Variants in ASIC2 observed in about 807,000 individuals in gnomAD.
ASIC2 encodes acid sensing ion channel subunit 2.
A neutral mutation model predicts 57.3 loss-of-function variants in ASIC2; 25 were observed. That is an observed-to-expected ratio of 0.44 (90% confidence interval 0.32 to 0.61). ASIC2 has a LOEUF of 0.61. Ranked by LOEUF, ASIC2 falls within the 20% of genes least tolerant of loss-of-function variation. ASIC2 has a pLI of 0.06. For synonymous variants in ASIC2, 319 were observed against 307.5 expected (o/e 1.04, Z -0.39); for missense variants, 641 against 738.1 (o/e 0.87, Z 1.52).
chr17:33,350,578 A>T (rs1168643451), intron 1 of ASIC2, among the ~76,000 whole-genome samples: 1 of 151,790 alleles, frequency 6.6e-6, no homozygotes, highest in Non-Finnish European at 1.5e-5. Flanking sequence ...GCTACTCAGG[A>T]GGCTGAGGCA....
intron 1 of ASIC2, among the ~76,000 whole-genome samples, chr17:33,855,751 C>T (rs1913909807): frequency 1.3e-5 from 2 of 152,162 alleles, no homozygotes; most frequent in East Asian, 3.9e-4. Flanking sequence ...TTTTCTGTTG[C>T]CTGACCTAAG....
chr17:33,474,564 C>T (rs1027426590), intron 1 of ASIC2, among the ~76,000 whole-genome samples: 8 of 152,262 alleles, frequency 5.3e-5, no homozygotes, highest in Non-Finnish European at 1.0e-4. Context: ...AACAGAGGGG[C>T]GTGCACAGCA....
At chr17:33,122,553 A>T (rs761887249) in intron 1 of ASIC2, among the ~76,000 whole-genome samples, 3 of 152,146 alleles carry the variant, frequency 2.0e-5, no homozygotes, top group Non-Finnish European at 4.4e-5. Context: ...TGACGCATTT[A>T]TGAGGTATAA....
At chr17:33,781,556 G>A (rs1020757502) in intron 1 of ASIC2, among the ~76,000 whole-genome samples, 5 of 152,174 alleles carry the variant, frequency 3.3e-5, no homozygotes, top group African/African-American at 1.2e-4. Context: ...TAACAGTAAT[G>A]CATTTGGACA....
At chr17:34,044,157 A>G (rs573327778) in intron 1 of ASIC2, among the ~76,000 whole-genome samples, 41 of 151,784 alleles carry the variant, frequency 2.7e-4, no homozygotes, top group South Asian at 6.3e-4. Context: ...CACCAAGAAG[A>G]AGGCCTGAAG....
At chr17:33,803,545 G>A (rs1206508548) in intron 1 of ASIC2, among the ~76,000 whole-genome samples, 2 of 151,172 alleles carry the variant, frequency 1.3e-5, no homozygotes, top group South Asian at 2.1e-4. Context: ...ATTGGAATAA[G>A]GAAATGAAAG....
intron 3 of ASIC2, among the ~76,000 whole-genome samples, chr17:33,036,571 C>T (rs909507574): frequency 6.6e-6 from 1 of 151,366 alleles, no homozygotes; most frequent in African/African-American, 2.4e-5. Flanking sequence ...GTTAGGACTA[C>T]AGGGATGTGC....
At position 33,681,475 on chromosome 17, in the gene ASIC2, T is replaced by G. The variant is rs556644823; in HGVS notation, c.555+474503A>C. ...CACAATGTATATGTGGGTTGGGAACTACCAGTTTAGGGTGACCCTAATTCT... is the reference window on the plus strand; with the variant it reads ...CACAATGTATATGTGGGTTGGGAACGACCAGTTTAGGGTGACCCTAATTCT... On this transcript the variant is annotated intron_variant, in intron 1 of 9. Transcript: ENST00000359872. Among the ~76,000 whole-genome samples the G allele has an allele frequency of 3.1e-5, 4 of 128,984 alleles. No individual in the cohort carries two copies. The South Asian group carries it at 9.4e-4, about 30-fold the overall frequency. 84.6% of individuals were successfully genotyped at this position (128,984 alleles called of 152,430 possible).
intron 1 of ASIC2, among the ~76,000 whole-genome samples, chr17:34,007,423 C>T (rs1906563711): frequency 6.6e-6 from 1 of 152,238 alleles, no homozygotes; most frequent in Non-Finnish European, 1.5e-5. Context: ...GCACACAGAA[C>T]TTCTTGCTTT....
intron 1 of ASIC2, among the ~76,000 whole-genome samples, chr17:33,717,554 G>A (rs1481021734): frequency 6.6e-6 from 1 of 152,154 alleles, no homozygotes; most frequent in Non-Finnish European, 1.5e-5. Context: ...CCAACTGTCC[G>A]GTCCAGGCTG....
intron 1 of ASIC2, among the ~76,000 whole-genome samples, chr17:34,085,420 T>G (rs1046895508): frequency 6.6e-6 from 1 of 152,262 alleles, no homozygotes. Context: ...CTTTCTGATG[T>G]GCTGCTGGAT....
intron 1 of ASIC2, among the ~76,000 whole-genome samples, chr17:33,912,946 C>T (rs2141960196): frequency 6.6e-6 from 1 of 151,802 alleles, no homozygotes; most frequent in Non-Finnish European, 1.5e-5. Flanking sequence ...CCATTGCACT[C>T]CAGCCTGGGC....
chr17:33,915,010 G>T (rs1170080447), intron 1 of ASIC2, among the ~76,000 whole-genome samples: 1 of 152,174 alleles, frequency 6.6e-6, no homozygotes, highest in South Asian at 2.1e-4. Context: ...CAACCTGAAG[G>T]GTTAGCACCA....
At chr17:34,151,116 A>AAT (rs1555535974) in intron 1 of ASIC2, among the ~76,000 whole-genome samples, 8 of 147,516 alleles carry the variant, frequency 5.4e-5, no homozygotes, top group African/African-American at 2.0e-4. Context: ...AAAAAAAAAA[A>AAT]AAAAAAAAAT....
At chr17:33,363,547 C>A (rs960382843) in intron 1 of ASIC2, among the ~76,000 whole-genome samples, 1 of 152,244 alleles carries the variant, frequency 6.6e-6, no homozygotes, top group Non-Finnish European at 1.5e-5. Flanking sequence ...CAGCTGGACA[C>A]ACCTGGGTCA....
chr17:33,669,294 T>A (rs919288213), intron 1 of ASIC2, among the ~76,000 whole-genome samples: 10 of 152,188 alleles, frequency 6.6e-5, no homozygotes, highest in Non-Finnish European at 1.0e-4. Context: ...CATGTAAAGA[T>A]GTTATGTGAA....
intron 1 of ASIC2, among the ~76,000 whole-genome samples, chr17:34,099,160 GAGAGAAAGAAAGAAAGAAAGAA>G (rs1910687968): frequency 5.6e-4 from 3 of 5,386 alleles, no homozygotes; most frequent in African/African-American, 9.5e-4. Context: ...GAGAGAGAGA[GAGAGAAAGAAAGAAAGAAAGAA>G]AGAAAGAAAG....
intron 1 of ASIC2, among the ~76,000 whole-genome samples, chr17:34,108,650 T>A (rs1911153600): frequency 6.6e-6 from 1 of 152,162 alleles, no homozygotes; most frequent in Non-Finnish European, 1.5e-5. Context: ...GTCCAAGCAG[T>A]TTACTGTGTC....
chr17:33,336,306 G>C (rs1258683152), intron 1 of ASIC2, among the ~76,000 whole-genome samples: 1 of 152,112 alleles, frequency 6.6e-6, no homozygotes, highest in East Asian at 1.9e-4. Flanking sequence ...TGAAGCAAAA[G>C]GAGAAATCAC....
Sources: allele counts gnomAD v4.1 joint callset (sites outside exome capture counted in the v4.1 genomes callset), GRCh38; gene constraint gnomAD v4.1.1; transcripts MANE v1.5; gene names NCBI Gene and HGNC (gene_info 2026-07-23, HGNC 2026-07-21).